PRKG1: variants seen among roughly 807,000 people sequenced by gnomAD.
The protein encoded by PRKG1 is protein kinase cGMP-dependent 1, also known as cGMP-dependent protein kinase 1.
In PRKG1, 35 loss-of-function variants were observed where a neutral mutation model predicts 88.1. The ratio of observed to expected loss-of-function variants is 0.40; its 90% CI spans 0.30 to 0.53. The LOEUF is 0.53. PRKG1 is among the 20% of genes least tolerant of loss of function. PRKG1 has a pLI of 0.59. For synonymous variants in PRKG1, 303 were observed against 292.5 expected, an observed-to-expected ratio of 1.04 and a Z score of -0.37; for missense variants, 540 against 839.8, an observed-to-expected ratio of 0.64 and a Z score of 4.41.
intron 3 of PRKG1, among the ~76,000 whole-genome samples, chr10:51,515,293 T>C (rs1589036594): frequency 1.3e-5 from 2 of 152,202 alleles, no homozygotes; most frequent in African/African-American, 4.8e-5. Context: ...CACCCTTACT[T>C]ATTACTAATA....
chr10:51,208,015 T>C (rs1447400503), intron 2 of PRKG1, among the ~76,000 whole-genome samples: 3 of 152,228 alleles, frequency 2.0e-5, no homozygotes, highest in Non-Finnish European at 4.4e-5. Flanking sequence ...CAGTAGGGAC[T>C]CTGTCTTTGT....
chr10:52,130,155 G>GT (rs984858079), intron 7 of PRKG1, among the ~76,000 whole-genome samples: 10 of 152,086 alleles, frequency 6.6e-5, no homozygotes, highest in South Asian at 4.1e-4. Context: ...TAATATGTTG[G>GT]TTTTTCCCCC....
intron 3 of PRKG1, among the ~76,000 whole-genome samples, chr10:51,568,109 A>G (rs906338858): frequency 1.3e-5 from 2 of 150,070 alleles, no homozygotes; most frequent in South Asian, 2.1e-4. Flanking sequence ...TCCTCCCAAG[A>G]AAAAAAAAAT....
At chr10:51,522,913 AAC>A (rs1486825930) in intron 3 of PRKG1, among the ~76,000 whole-genome samples, 2 of 151,812 alleles carry the variant, frequency 1.3e-5, no homozygotes, top group African/African-American at 4.9e-5. Context: ...ATTTATTAAA[AAC>A]CAAGGGAGAC....
intron 2 of PRKG1, among the ~76,000 whole-genome samples, chr10:51,179,548 G>A (rs985864783): frequency 3.9e-5 from 6 of 152,260 alleles, no homozygotes; most frequent in African/African-American, 7.2e-5. Context: ...CCTGAAACCC[G>A]CAGAACCACT....
At chr10:51,866,915 C>T (rs1426348138) in intron 4 of PRKG1, among the ~76,000 whole-genome samples, 1 of 152,096 alleles carries the variant, frequency 6.6e-6, no homozygotes, top group Non-Finnish European at 1.5e-5. Context: ...CCCAAAACCT[C>T]AGTCTAATGG....
chr10:52,110,272 C>T (rs1847530277), intron 7 of PRKG1, among the ~76,000 whole-genome samples: 1 of 152,018 alleles, frequency 6.6e-6, no homozygotes, highest in Non-Finnish European at 1.5e-5. Context: ...GGCGTGCTTG[C>T]AGTGAGCGGA....
chr10:51,507,755 G>A (rs1399715191), intron 3 of PRKG1, among the ~76,000 whole-genome samples: 3 of 152,060 alleles, frequency 2.0e-5, no homozygotes, highest in South Asian at 2.1e-4. Context: ...AACTGATGTC[G>A]ATGGAGCACT....
At chr10:51,990,852 T>C (rs1208664019) in intron 5 of PRKG1, among the ~76,000 whole-genome samples, 1 of 145,256 alleles carries the variant, frequency 6.9e-6, no homozygotes, top group Non-Finnish European at 1.5e-5. Flanking sequence ...TTGCAAGGCA[T>C]GATGGTCTCC....
intron 6 of PRKG1, among the ~76,000 whole-genome samples, chr10:52,055,478 A>G (rs1459594253): frequency 6.6e-6 from 1 of 152,206 alleles, no homozygotes; most frequent in African/African-American, 2.4e-5. Context: ...ATTTTTCAAC[A>G]ATATGAATTT....
rs1564733873 is a variant in PRKG1 at position 51,970,738 on chromosome 10, T to TATATATATATCAGATATATCAGATG, written c.762+63178_762+63179insCAGATATATCAGATGATATATATAT. Among the ~76,000 whole-genome samples the TATATATATATCAGATATATCAGATG allele has an allele frequency of 8.7e-4, 117 of 133,998 alleles. 3 individuals are homozygous for TATATATATATCAGATATATCAGATG. The highest frequency in any genetic ancestry group is 2.8e-3 in the African/African-American group (84 of 30,286). 87.9% of individuals were successfully genotyped at this position (133,998 alleles called of 152,430 possible). On this transcript the variant is annotated intron_variant, in intron 5 of 17. Coordinates refer to ENST00000373980, the MANE Select transcript of PRKG1 (RefSeq NM_006258.4). ...TATATATATATCAGATATATCAGAT[T>TATATATATATCAGATATATCAGATG]ATATATATATATCAGATATATCAGA...
intron 5 of PRKG1, among the ~76,000 whole-genome samples, chr10:52,031,651 T>G (rs1418953775): frequency 6.6e-6 from 1 of 152,224 alleles, no homozygotes; most frequent in South Asian, 2.1e-4. Flanking sequence ...TATTTGGTTA[T>G]GCGTTCTAAG....
At chr10:51,507,475 T>A (rs2132053726) in intron 3 of PRKG1, among the ~76,000 whole-genome samples, 1 of 152,220 alleles carries the variant, frequency 6.6e-6, no homozygotes, top group Admixed American at 6.5e-5. Context: ...AACTCAATAA[T>A]CTTAGCTAGC....
At chr10:51,553,591 A>G (rs927950921) in intron 3 of PRKG1, among the ~76,000 whole-genome samples, 3 of 151,474 alleles carry the variant, frequency 2.0e-5, no homozygotes, top group African/African-American at 7.3e-5. Flanking sequence ...AGCCAAAGTG[A>G]TCTTTGTGGA....
intron 4 of PRKG1, among the ~76,000 whole-genome samples, chr10:51,821,930 G>A (rs1281365026): frequency 1.3e-5 from 2 of 151,994 alleles, no homozygotes; most frequent in South Asian, 2.1e-4. Flanking sequence ...ACTACCATAT[G>A]TTCAAGTAAT....
intron 5 of PRKG1, among the ~76,000 whole-genome samples, chr10:51,987,975 T>G (rs1243897431): frequency 1.3e-5 from 2 of 152,078 alleles, no homozygotes; most frequent in Non-Finnish European, 1.5e-5. Context: ...CTTTATGCCA[T>G]ATTTGTTTCA....
At chr10:52,239,719 C>G (rs1340671241) in intron 9 of PRKG1, among the ~76,000 whole-genome samples, 1 of 151,970 alleles carries the variant, frequency 6.6e-6, no homozygotes, top group Non-Finnish European at 1.5e-5. Context: ...CAGCAGCATT[C>G]ATTTGAACTG....
chr10:51,873,350 G>A (rs1325159965), intron 4 of PRKG1, among the ~76,000 whole-genome samples: 1 of 151,798 alleles, frequency 6.6e-6, no homozygotes, highest in African/African-American at 2.4e-5. Flanking sequence ...TATTAAACTT[G>A]GACTCAGCCT....
At chr10:51,890,656 A>T (rs1316138751) in intron 4 of PRKG1, among the ~76,000 whole-genome samples, 1 of 152,248 alleles carries the variant, frequency 6.6e-6, no homozygotes, top group African/African-American at 2.4e-5. Context: ...GAGAAGAAAT[A>T]TTCATATTAA....
Sources: allele counts gnomAD v4.1 joint callset (sites outside exome capture counted in the v4.1 genomes callset), GRCh38; gene constraint gnomAD v4.1.1; transcripts MANE v1.5; gene names NCBI Gene and HGNC (gene_info 2026-07-23, HGNC 2026-07-21).